TAFA4: variants seen among roughly 807,000 people sequenced by gnomAD.
The protein encoded by TAFA4 is chemokine-like protein TAFA-4.
In TAFA4, 20 loss-of-function variants were observed where a neutral mutation model predicts 21.1. The ratio of observed to expected loss-of-function variants is 0.95; its 90% CI spans 0.67 to 1.38. The LOEUF is 1.38. Ranked by LOEUF, TAFA4 falls within the 40% of genes most tolerant of loss-of-function variation. TAFA4 has a pLI of 0.00. For synonymous variants in TAFA4, 71 were observed against 67.4 expected (o/e 1.05, Z -0.26); for missense variants, 211 against 180.9 (o/e 1.17, Z -0.95).
At chr3:68,826,815 T>C (rs896802981) in intron 3 of TAFA4, among the ~76,000 whole-genome samples, 1 of 152,102 alleles carries the variant, frequency 6.6e-6, no homozygotes, top group East Asian at 1.9e-4. Flanking sequence ...CCAACCTCTT[T>C]CTTACTCAGG....
intron 1 of TAFA4, among the ~76,000 whole-genome samples, chr3:68,887,932 T>C (rs2106960612): frequency 1.3e-5 from 2 of 152,238 alleles, no homozygotes; most frequent in African/African-American, 4.8e-5. Flanking sequence ...GACCACACCC[T>C]TAGTATTCTC....
At chr3:68,779,743 G>T (rs1476574321) in intron 3 of TAFA4, among the ~76,000 whole-genome samples, 2 of 152,240 alleles carry the variant, frequency 1.3e-5, no homozygotes, top group Non-Finnish European at 2.9e-5. Flanking sequence ...TTTGCTGCAG[G>T]GGCGGGGCCC....
intron 3 of TAFA4, among the ~76,000 whole-genome samples, chr3:68,759,949 T>C (rs1368983400): frequency 6.6e-6 from 1 of 152,198 alleles, no homozygotes; most frequent in Non-Finnish European, 1.5e-5. Flanking sequence ...CAGCATACTA[T>C]GTGCCAGAGA....
chr3:68,883,151 G>T (rs2089635829), intron 2 of TAFA4: 1 of 152,324 alleles, frequency 6.6e-6, no homozygotes, highest in African/African-American at 2.4e-5. Context: ...TAAAATCAAG[G>T]TGTCAGCTGG....
chr3:68,799,143 A>C (rs1703517137), intron 3 of TAFA4, among the ~76,000 whole-genome samples: 1 of 152,150 alleles, frequency 6.6e-6, no homozygotes, highest in African/African-American at 2.4e-5. Context: ...TAATTCCCAG[A>C]ATCTTATGAA....
intron 3 of TAFA4, among the ~76,000 whole-genome samples, chr3:68,820,923 T>C (rs980024908): frequency 5.3e-5 from 8 of 152,198 alleles, no homozygotes; most frequent in African/African-American, 1.9e-4. Flanking sequence ...ATGCAAAGAA[T>C]TTTGTTTCGA....
intron 3 of TAFA4, among the ~76,000 whole-genome samples, chr3:68,795,878 A>G (rs549981657): frequency 1.2e-4 from 18 of 152,152 alleles, no homozygotes; most frequent in Non-Finnish European, 8.8e-5. Flanking sequence ...GTATTCAAAC[A>G]GATGTGGGTG....
At chr3:68,838,707 G>A (rs557496427) in intron 3 of TAFA4, among the ~76,000 whole-genome samples, 43 of 152,168 alleles carry the variant, frequency 2.8e-4, no homozygotes, top group African/African-American at 9.9e-4. Context: ...TCTCAGTTAT[G>A]AAAAAGACAT....
intron 4 of TAFA4, among the ~76,000 whole-genome samples, chr3:68,743,160 A>G (rs1336084657): frequency 6.6e-6 from 1 of 152,200 alleles, no homozygotes; most frequent in East Asian, 1.9e-4. Flanking sequence ...TAGGGTAACC[A>G]CTTGTTATTT....
rs762511311 is a variant in TAFA4 at position 68,752,923 on chromosome 3, A to C, written c.226T>G (p.Cys76Gly). The C allele has an allele frequency of 6.2e-6, 10 of 1,614,136 alleles. No individual in the cohort carries two copies. The Admixed American group carries it at 1.5e-4, about 24-fold the overall frequency. ...RIEERSQTVK[C>G]SCFPGQVAGT... ...GCCACCTGTCCCGGGAAGCAAGAGC[A>C]CTTGACCGTTTGTGACCGCTCTTCT... The change falls in exon 4 of 6, where the codon TGC (cysteine) becomes GGC (glycine). Residue 76 changes from cysteine (C) to glycine (G), a missense_variant. Coordinates refer to ENST00000295569, the MANE Select transcript of TAFA4 (RefSeq NM_182522.5).
chr3:68,915,867 A>G (rs1274046110), intron 1 of TAFA4, among the ~76,000 whole-genome samples: 1 of 152,224 alleles, frequency 6.6e-6, no homozygotes, highest in Admixed American at 6.5e-5. Context: ...ATACATATGA[A>G]GTGAAGAAAA....
intron 5 of TAFA4, among the ~76,000 whole-genome samples, chr3:68,737,662 A>G (rs1460979116): frequency 2.0e-5 from 3 of 152,186 alleles, no homozygotes; most frequent in Non-Finnish European, 4.4e-5. Context: ...ATATTTTAAT[A>G]TATTTTACAA....
At chr3:68,867,006 CCTTATT>C (rs2089428807) in intron 3 of TAFA4, among the ~76,000 whole-genome samples, 1 of 151,998 alleles carries the variant, frequency 6.6e-6, no homozygotes, top group African/African-American at 2.4e-5. Context: ...GTAGCAGCAA[CCTTATT>C]CTGAAAGATA....
intron 1 of TAFA4, among the ~76,000 whole-genome samples, chr3:68,919,871 C>G (rs2090041298): frequency 6.6e-6 from 1 of 152,182 alleles, no homozygotes; most frequent in African/African-American, 2.4e-5. Flanking sequence ...TTTCCAGACA[C>G]ATTCCCAAGC....
chr3:68,864,099 T>C (rs1316775671), intron 3 of TAFA4, among the ~76,000 whole-genome samples: 3 of 152,044 alleles, frequency 2.0e-5, no homozygotes, highest in Non-Finnish European at 2.9e-5. Flanking sequence ...AACTAGTATA[T>C]TGGACTTTAT....
intron 3 of TAFA4, among the ~76,000 whole-genome samples, chr3:68,835,250 T>A: frequency 6.6e-6 from 1 of 152,162 alleles, no homozygotes; most frequent in Non-Finnish European, 1.5e-5. Context: ...CCTCAATTCC[T>A]TGACTCTGTG....
intron 1 of TAFA4, among the ~76,000 whole-genome samples, chr3:68,900,079 C>CAT (rs2089828891): frequency 1.9e-5 from 1 of 53,118 alleles, no homozygotes; most frequent in Non-Finnish European, 3.7e-5. Context: ...TCTCTACACA[C>CAT]ACAAAAAAAA....
intron 1 of TAFA4, among the ~76,000 whole-genome samples, chr3:68,927,222 A>G (rs963529872): frequency 1.1e-4 from 17 of 152,226 alleles, no homozygotes; most frequent in South Asian, 2.1e-4. Context: ...TTTAGGCCCA[A>G]TGATTCCCAG....
intron 1 of TAFA4, among the ~76,000 whole-genome samples, chr3:68,917,775 AAAG>A (rs2090019108): frequency 6.9e-6 from 1 of 144,088 alleles, no homozygotes; most frequent in Non-Finnish European, 1.6e-5. Context: ...AAAAAAAAAG[AAAG>A]TTCCCAGGAA....
Sources: allele counts gnomAD v4.1 joint callset (sites outside exome capture counted in the v4.1 genomes callset), GRCh38; gene constraint gnomAD v4.1.1; transcripts MANE v1.5; gene names NCBI Gene and HGNC (gene_info 2026-07-23, HGNC 2026-07-21).